IFIH1: variants seen among roughly 807,000 people sequenced by gnomAD.
IFIH1 encodes interferon induced with helicase C domain 1.
In IFIH1, 125 loss-of-function variants were observed where a neutral mutation model predicts 107.4. The ratio of observed to expected loss-of-function variants is 1.16; its 90% CI spans 1.01 to 1.35. The LOEUF (loss-of-function observed/expected upper bound fraction) is 1.35. IFIH1 is among the 40% of genes most tolerant of loss of function. IFIH1 has a pLI of 0.00. For synonymous variants in IFIH1, 458 were observed against 413.2 expected (o/e 1.11, Z -1.31); for missense variants, 1,333 against 1,213.7 (o/e 1.10, Z -1.46).
chr2:162,280,253 A>G, intron 7 of IFIH1, 141 bp from the exon 8 acceptor site: 2 of 608,238 alleles, frequency 3.3e-6, no homozygotes, highest in Non-Finnish European at 5.8e-6. Flanking sequence ...TGAAAGTAAT[A>G]TGTAGCATTG....
intron 1 of IFIH1, among the ~76,000 whole-genome samples, chr2:162,315,160 T>C (rs1350882209): frequency 1.3e-5 from 2 of 152,226 alleles, no homozygotes; most frequent in African/African-American, 4.8e-5. Flanking sequence ...TTAAATGCTA[T>C]TTTAAGCCTT....
chr2:162,310,587 C>T, intron 2 of IFIH1, 178 bp downstream of exon 2: 3 of 579,594 alleles, frequency 5.2e-6, no homozygotes, highest in Admixed American at 3.3e-5. Context: ...TGATATTTTC[C>T]CAGGCATCAA....
intron 1 of IFIH1, among the ~76,000 whole-genome samples, chr2:162,312,178 AT>A (rs1190092292): frequency 2.0e-5 from 3 of 152,186 alleles, no homozygotes; most frequent in Non-Finnish European, 2.9e-5. Flanking sequence ...ATTTGTTAAC[AT>A]TTTTGGAACA....
chr2:162,293,467 A>G, intron 4 of IFIH1, 97 bp downstream of exon 4: 2 of 691,868 alleles, frequency 2.9e-6, no homozygotes, highest in Non-Finnish European at 5.0e-6. Flanking sequence ...CTTTAATTGC[A>G]TAAATACATT....
chr2:162,296,107 A>G (rs1433839390), intron 3 of IFIH1, among the ~76,000 whole-genome samples: 1 of 152,060 alleles, frequency 6.6e-6, no homozygotes, highest in Non-Finnish European at 1.5e-5. Flanking sequence ...TTTGATTTCC[A>G]CTTCATTTTC....
intron 13 of IFIH1, among the ~76,000 whole-genome samples, chr2:162,270,945 A>G (rs904989648): frequency 2.0e-5 from 3 of 152,134 alleles, no homozygotes; most frequent in Non-Finnish European, 4.4e-5. Context: ...GTGAAACTCT[A>G]TTTAAGGTAG....
chr2:162,306,075 G>A (rs1177049760), intron 3 of IFIH1, among the ~76,000 whole-genome samples: 1 of 152,206 alleles, frequency 6.6e-6, no homozygotes, highest in Non-Finnish European at 1.5e-5. Flanking sequence ...AACAGAATAA[G>A]TCCTTTTGGC....
At chr2:162,267,721 C>A in intron 14 of IFIH1, 152 bp from the exon 15 acceptor site, 1 of 646,758 alleles carries the variant, frequency 1.5e-6, no homozygotes, top group Non-Finnish European at 2.7e-6. Context: ...CTTGTTATTG[C>A]AACTAAGGCA....
chr2:162,315,316 A>G (rs1422604912), intron 1 of IFIH1, among the ~76,000 whole-genome samples: 1 of 152,206 alleles, frequency 6.6e-6, no homozygotes, highest in Non-Finnish European at 1.5e-5. Flanking sequence ...CAAGTAATCA[A>G]TGCTTACTAA....
At chr2:162,306,313 G>A (rs1018865902) in intron 3 of IFIH1, among the ~76,000 whole-genome samples, 1 of 152,004 alleles carries the variant, frequency 6.6e-6, no homozygotes, top group African/African-American at 2.4e-5. Flanking sequence ...GAACCTCTCT[G>A]AGCCATCCCA....
At chr2:162,317,367 C>T (rs910651341) in intron 1 of IFIH1, among the ~76,000 whole-genome samples, 12 of 152,036 alleles carry the variant, frequency 7.9e-5, no homozygotes, top group Admixed American at 1.3e-4. Context: ...GTTTACTAAC[C>T]CCTGCTCCAT....
At chr2:162,314,441 TTTC>T in intron 1 of IFIH1, among the ~76,000 whole-genome samples, 1 of 118,850 alleles carries the variant, frequency 8.4e-6, no homozygotes, top group Non-Finnish European at 1.6e-5. Flanking sequence ...TCTTTCTTTC[TTTC>T]TTTCTTTCTT....
At chr2:162,284,292 GAGAC>G (rs1312559335) in intron 5 of IFIH1, among the ~76,000 whole-genome samples, 1 of 151,972 alleles carries the variant, frequency 6.6e-6, no homozygotes, top group Non-Finnish European at 1.5e-5. Flanking sequence ...TTAGTGGAAA[GAGAC>G]AGCATGATGC....
intron 3 of IFIH1, among the ~76,000 whole-genome samples, chr2:162,295,992 G>T (rs1683079217): frequency 6.6e-6 from 1 of 151,974 alleles, no homozygotes; most frequent in Non-Finnish European, 1.5e-5. Context: ...ATGTAATATT[G>T]AGAACTGAAG....
intron 13 of IFIH1, among the ~76,000 whole-genome samples, chr2:162,269,118 A>AT (rs1312421647): frequency 1.3e-5 from 2 of 152,086 alleles, no homozygotes; most frequent in African/African-American, 2.4e-5. Context: ...TTCAGTGTCC[A>AT]TTTTTCCTAA....
At chr2:162,311,178 C>A (rs547356765) in intron 1 of IFIH1, among the ~76,000 whole-genome samples, 2 of 151,978 alleles carry the variant, frequency 1.3e-5, no homozygotes, top group Non-Finnish European at 2.9e-5. Context: ...TAAATATGAA[C>A]CATTTTTTTT....
intron 1 of IFIH1, among the ~76,000 whole-genome samples, chr2:162,313,031 G>C (rs910139010): frequency 6.6e-6 from 1 of 151,996 alleles, no homozygotes; most frequent in African/African-American, 2.4e-5. Context: ...TTTCTTTGCC[G>C]TTATTGAGTC....
intron 3 of IFIH1, among the ~76,000 whole-genome samples, chr2:162,302,976 C>T (rs963642072): frequency 1.3e-5 from 2 of 152,318 alleles, no homozygotes; most frequent in South Asian, 4.1e-4. Flanking sequence ...TTACTGTATA[C>T]TCTTACATGC....
intron 3 of IFIH1, among the ~76,000 whole-genome samples, chr2:162,297,016 A>G (rs1256534917): frequency 6.6e-6 from 1 of 152,110 alleles, no homozygotes; most frequent in African/African-American, 2.4e-5. Context: ...GCATTTTGAT[A>G]TACGTTTTTG....
Sources: allele counts gnomAD v4.1 joint callset (sites outside exome capture counted in the v4.1 genomes callset), GRCh38; gene constraint gnomAD v4.1.1; transcripts MANE v1.5; gene names NCBI Gene and HGNC (gene_info 2026-07-23, HGNC 2026-07-21).